COL19A1: variants seen among roughly 807,000 people sequenced by gnomAD.
The protein encoded by COL19A1 is collagen type XIX alpha 1 chain.
COL19A1 carries 159 observed loss-of-function variants against 190.2 expected under a neutral mutation model. The ratio of observed to expected loss-of-function variants is 0.84; its 90% CI spans 0.73 to 0.95. COL19A1 has a LOEUF of 0.95. Ranked by LOEUF, COL19A1 falls within the 40% of genes least tolerant of loss-of-function variation. The pLI, the probability that COL19A1 is intolerant of heterozygous loss-of-function variation, is 0.00. For missense variants in COL19A1, 1,418 were observed against 1,431.9 expected (o/e 0.99, Z 0.16); for synonymous variants, 509 against 458.9 (o/e 1.11, Z -1.39).
chr6:70,190,406 C>T lies in COL19A1; in HGVS notation c.3094+25C>T, dbSNP rs202208989. ...GGTTAGATTTTCTTAATAACATTTT[C>T]GAATTTTTCACTGATTCCCACCTCC... On this transcript the variant is annotated intron_variant, in intron 48 of 50. Coordinates refer to ENST00000620364, the MANE Select transcript of COL19A1 (RefSeq NM_001858.6). 306 of 1,511,634 alleles carry T rather than the reference C, an allele frequency of 2.0e-4. No individual in the cohort carries two copies. The African/African-American group carries it at 3.2e-3, about 16-fold the overall frequency. The allele number at this position is 1,511,634 out of a possible 1,614,324, so 93.6% of individuals were successfully genotyped here. A position where few individuals can be genotyped will look rare whatever the true frequency, so the allele number is the denominator to read the frequency against.
chr6:69,868,371 G>T (rs1168140392), intron 1 of COL19A1, among the ~76,000 whole-genome samples: 1 of 151,932 alleles, frequency 6.6e-6, no homozygotes, highest in Admixed American at 6.6e-5. Flanking sequence ...ATGCATAAAT[G>T]CCCCTTCCTG....
chr6:70,055,845 C>A (rs370387108), intron 14 of COL19A1, among the ~76,000 whole-genome samples: 2 of 148,558 alleles, frequency 1.3e-5, no homozygotes, highest in East Asian at 2.0e-4. Context: ...ATGTGCAGAG[C>A]TAAGTGGTGT....
At chr6:70,109,199 G>T (rs1784141163) in intron 16 of COL19A1, among the ~76,000 whole-genome samples, 1 of 152,116 alleles carries the variant, frequency 6.6e-6, no homozygotes, top group Non-Finnish European at 1.5e-5. Context: ...ATGTGATAAT[G>T]ATTTGGAAGG....
chr6:69,973,996 A>G (rs148426261), intron 11 of COL19A1: 1 of 152,242 alleles, frequency 6.6e-6, no homozygotes, highest in African/African-American at 2.4e-5. Context: ...TGGATGTTGT[A>G]CAGTGACTAG....
chr6:70,158,853 A>G (rs1787600853), intron 34 of COL19A1, among the ~76,000 whole-genome samples: 1 of 152,098 alleles, frequency 6.6e-6, no homozygotes, highest in Non-Finnish European at 1.5e-5. Flanking sequence ...TTGGCACTGT[A>G]TGTTAAATTG....
At chr6:70,092,204 G>A (rs1228462396) in intron 15 of COL19A1, among the ~76,000 whole-genome samples, 1 of 152,022 alleles carries the variant, frequency 6.6e-6, no homozygotes. Context: ...AGCTGTCCCT[G>A]TTTGAGGACT....
chr6:70,175,315 A>G (rs1374892483), intron 41 of COL19A1, among the ~76,000 whole-genome samples: 2 of 152,068 alleles, frequency 1.3e-5, no homozygotes, highest in East Asian at 3.8e-4. Context: ...CTAACACTAT[A>G]TTTCTTTATG....
At chr6:69,936,735 A>G (rs1773135655) in intron 7 of COL19A1, 50 bp from the exon 8 acceptor site, 1 of 1,601,264 alleles carries the variant, frequency 6.2e-7, no homozygotes, top group Non-Finnish European at 8.5e-7. Flanking sequence ...TTGGAACATG[A>G]GAATGTTTGG....
At chr6:70,188,544 TCAGA>T (rs1424202937) in intron 47 of COL19A1, among the ~76,000 whole-genome samples, 1 of 152,200 alleles carries the variant, frequency 6.6e-6, no homozygotes, top group Non-Finnish European at 1.5e-5. Context: ...ATTAAGTGGG[TCAGA>T]CCCAGGTCTG....
intron 11 of COL19A1, among the ~76,000 whole-genome samples, chr6:69,985,273 G>T (rs987405992): frequency 6.6e-6 from 1 of 152,178 alleles, no homozygotes; most frequent in African/African-American, 2.4e-5. Flanking sequence ...CTAACTTTCA[G>T]AGGAAGAGAC....
At chr6:70,091,802 T>C (rs1331626438) in intron 15 of COL19A1, among the ~76,000 whole-genome samples, 1 of 152,134 alleles carries the variant, frequency 6.6e-6, no homozygotes, top group East Asian at 1.9e-4. Context: ...GTCACCAGCT[T>C]TCCCAGGAAA....
At chr6:70,025,166 G>T (rs1426070594) in intron 12 of COL19A1, among the ~76,000 whole-genome samples, 2 of 152,000 alleles carry the variant, frequency 1.3e-5, no homozygotes, top group African/African-American at 4.8e-5. Flanking sequence ...GAGTAGCTGG[G>T]ACTACAGGTG....
chr6:69,961,587 A>G (rs961957941), intron 10 of COL19A1, among the ~76,000 whole-genome samples: 3 of 152,184 alleles, frequency 2.0e-5, no homozygotes, highest in African/African-American at 7.2e-5. Context: ...AAAATGGTAG[A>G]AAAAAATATA....
At chr6:70,196,298 A>G (rs976130417) in intron 48 of COL19A1, among the ~76,000 whole-genome samples, 2 of 152,240 alleles carry the variant, frequency 1.3e-5, no homozygotes, top group Non-Finnish European at 2.9e-5. Context: ...AGATTTACAA[A>G]ATAGATTGTG....
At position 70,206,980 on chromosome 6, in the gene COL19A1, T is replaced by C; in HGVS notation, c.3301+2T>C. ...GTCCAGGTCTTCCTGGGACTTCAGG[T>C]AAGTGGGATATTGTCTTCACAACAC... is the stretch of plus-strand genomic sequence containing the variant. On this transcript the variant is annotated splice_donor_variant, in intron 50 of 50. Transcript: ENST00000620364. LOFTEE classifies it high-confidence loss of function. 6.2e-7 allele frequency: 1 copy of C among 1,613,342 alleles called. No homozygotes were observed. The highest frequency in any genetic ancestry group is 8.5e-7 in the Non-Finnish European group (1 of 1,179,748).
intron 2 of COL19A1, among the ~76,000 whole-genome samples, chr6:69,897,125 C>T (rs1769833625): frequency 6.6e-6 from 1 of 152,092 alleles, no homozygotes. Flanking sequence ...ATATTTATTT[C>T]TATGATTATC....
At chr6:69,954,522 T>G (rs1161309867) in intron 9 of COL19A1, among the ~76,000 whole-genome samples, 1 of 152,118 alleles carries the variant, frequency 6.6e-6, no homozygotes, top group African/African-American at 2.4e-5. Flanking sequence ...TCCTTCGTAC[T>G]TTCTACAGAA....
intron 40 of COL19A1, 81 bp from the exon 41 acceptor site, chr6:70,171,882 CA>C (rs1210825729): frequency 2.2e-6 from 3 of 1,367,464 alleles, no homozygotes; most frequent in East Asian, 2.3e-5. Flanking sequence ...GAAGGTTAAG[CA>C]AAAAAATCTT....
rs1253260926 is a variant in COL19A1, at chr6:70,207,186, A to G, written c.3341A>G (p.Gln1114Arg). ...LPGSPGAPGP[Q>R]GPPGPSGRCN... ...GGCTCACCAGGTGCCCCAGGCCCACAGGGCCCCCCAGGACCCAGTGGAAGA... is the reference window on the plus strand; with the variant it reads ...GGCTCACCAGGTGCCCCAGGCCCACGGGGCCCCCCAGGACCCAGTGGAAGA... Residue 1114 changes from glutamine (Q) to arginine (R), a missense_variant, in exon 51 of 51, where the codon CAG becomes CGG. Physicochemically the swap from Gln to Arg is conservative, Grantham distance 43 (BLOSUM62 1). Transcript: ENST00000620364. The G allele has an allele frequency of 6.2e-7, 1 of 1,613,278 alleles. No homozygotes were observed. The highest frequency in any genetic ancestry group is 8.5e-7 in the Non-Finnish European group (1 of 1,179,414).
Sources: gnomAD v4.1 joint callset for allele counts (sites outside exome capture counted in the v4.1 genomes callset) on GRCh38, gnomAD v4.1.1 for gene constraint, MANE v1.5 for transcripts, NCBI Gene and HGNC (gene_info 2026-07-23, HGNC 2026-07-21) for gene names.